The following TSHZ2 variants were observed in gnomAD, a reference collection of about 807,000 sequenced individuals.
TSHZ2 encodes teashirt zinc finger homeobox 2, also known as teashirt homolog 2.
A neutral mutation model predicts 74.4 loss-of-function variants in TSHZ2; 21 were observed. The ratio of observed to expected loss-of-function variants is 0.28; its 90% CI spans 0.20 to 0.41. The LOEUF (loss-of-function observed/expected upper bound fraction) is 0.41. Among genes scored for constraint, TSHZ2 ranks in the 10% least tolerant of loss-of-function variants. The probability of loss-of-function intolerance (pLI) is 1.00; values close to 1 mark genes in which losing one functional copy is unlikely to be tolerated. For missense variants in TSHZ2, 1,244 were observed against 1,293.5 expected, an observed-to-expected ratio of 0.96 and a Z score of 0.59; for synonymous variants, 540 against 515.3, an observed-to-expected ratio of 1.05 and a Z score of -0.65.
intron 1 of TSHZ2, among the ~76,000 whole-genome samples, chr20:53,071,102 G>A (rs146294002): frequency 3.3e-5 from 5 of 152,162 alleles, no homozygotes; most frequent in South Asian, 2.1e-4. Flanking sequence ...ATGACTCCTC[G>A]AGTGAGAATT....
At chr20:53,243,475 T>C (rs1212278532) in intron 1 of TSHZ2, among the ~76,000 whole-genome samples, 1 of 152,154 alleles carries the variant, frequency 6.6e-6, no homozygotes, top group South Asian at 2.1e-4. Flanking sequence ...AATTGTACCA[T>C]GATGGAAACA....
chr20:53,232,743 AATT>A (rs1775648921), intron 1 of TSHZ2, among the ~76,000 whole-genome samples: 1 of 152,116 alleles, frequency 6.6e-6, no homozygotes, highest in Non-Finnish European at 1.5e-5. Flanking sequence ...AAAAAAAGAA[AATT>A]ATTATTGTTC....
intron 1 of TSHZ2, among the ~76,000 whole-genome samples, chr20:53,225,133 A>G (rs974806267): frequency 1.3e-5 from 2 of 152,232 alleles, no homozygotes; most frequent in Non-Finnish European, 2.9e-5. Flanking sequence ...GAAAACAGGC[A>G]GTGGGTCAGA....
At chr20:53,095,026 C>T (rs1262981111) in intron 1 of TSHZ2, among the ~76,000 whole-genome samples, 1 of 152,204 alleles carries the variant, frequency 6.6e-6, no homozygotes, top group Non-Finnish European at 1.5e-5. Flanking sequence ...AGGTAAGCCT[C>T]TTCCAATTAC....
intron 2 of TSHZ2, among the ~76,000 whole-genome samples, chr20:53,353,189 A>G (rs1980719962): frequency 6.6e-6 from 1 of 152,198 alleles, no homozygotes; most frequent in African/African-American, 2.4e-5. Flanking sequence ...AGGTTGGTAA[A>G]TCAGGTTGGA....
intron 2 of TSHZ2, among the ~76,000 whole-genome samples, chr20:53,415,344 A>G (rs1337582138): frequency 6.6e-6 from 1 of 152,198 alleles, no homozygotes; most frequent in African/African-American, 2.4e-5. Context: ...TAAAATGATC[A>G]GTACAGATGA....
intron 1 of TSHZ2, among the ~76,000 whole-genome samples, chr20:53,035,688 C>T (rs984244816): frequency 1.3e-5 from 2 of 152,128 alleles, no homozygotes; most frequent in South Asian, 2.1e-4. Flanking sequence ...GATAACAGTC[C>T]CTACTCTCAG....
At chr20:53,262,040 G>T (rs1310345160) in intron 2 of TSHZ2, among the ~76,000 whole-genome samples, 1 of 152,150 alleles carries the variant, frequency 6.6e-6, no homozygotes, top group Non-Finnish European at 1.5e-5. Flanking sequence ...TTCCTGCAGA[G>T]AAGTCTTTCT....
intron 2 of TSHZ2, among the ~76,000 whole-genome samples, chr20:53,338,517 A>G (rs1197445151): frequency 1.3e-5 from 2 of 152,218 alleles, no homozygotes; most frequent in East Asian, 3.8e-4. Flanking sequence ...CTAACTTGAA[A>G]TCGACAAGGT....
rs577498533 is a variant in TSHZ2, at chr20:53,148,145, T to C, written c.41-105354T>C. ...AAATTCCTACAGCTAATATTTTCTATATCGTACTATTTAGTGTTTAATTAT... is the reference window on the plus strand; with the variant it reads ...AAATTCCTACAGCTAATATTTTCTACATCGTACTATTTAGTGTTTAATTAT... On this transcript the variant is annotated intron_variant, in intron 1 of 2. Coordinates refer to ENST00000371497, the MANE Select transcript of TSHZ2 (RefSeq NM_173485.6). Among the ~76,000 whole-genome samples the C allele has an allele frequency of 2.0e-5, 3 of 152,360 alleles. No homozygotes were observed. In the South Asian group the frequency reaches 6.2e-4, roughly 32 times the overall value.
intron 1 of TSHZ2, among the ~76,000 whole-genome samples, chr20:53,105,912 G>C (rs544003663): frequency 6.6e-6 from 1 of 152,266 alleles, no homozygotes; most frequent in South Asian, 2.1e-4. Context: ...GCATCCCAAA[G>C]TGCTGGCATT....
intron 2 of TSHZ2, among the ~76,000 whole-genome samples, chr20:53,442,437 C>T (rs559459931): frequency 6.6e-6 from 1 of 152,162 alleles, no homozygotes; most frequent in Middle Eastern, 3.4e-3. Context: ...CATAGGTGAT[C>T]GACTGCTGAG....
At chr20:53,420,814 T>C (rs1183855204) in intron 2 of TSHZ2, among the ~76,000 whole-genome samples, 1 of 152,158 alleles carries the variant, frequency 6.6e-6, no homozygotes, top group African/African-American at 2.4e-5. Context: ...TGTTAATGCC[T>C]CATGCTGTAC....
intron 2 of TSHZ2, among the ~76,000 whole-genome samples, chr20:53,326,896 C>T (rs889063104): frequency 1.3e-5 from 2 of 152,174 alleles, no homozygotes; most frequent in Non-Finnish European, 2.9e-5. Context: ...TTATGATGAT[C>T]GGATTCTCCG....
intron 1 of TSHZ2, among the ~76,000 whole-genome samples, chr20:53,089,325 T>TC (rs940349324): frequency 1.7e-5 from 2 of 119,310 alleles, no homozygotes; most frequent in South Asian, 3.5e-4. Flanking sequence ...ATTTTCTTTT[T>TC]TTTTTTTTTT....
intron 2 of TSHZ2, among the ~76,000 whole-genome samples, chr20:53,291,767 T>C (rs1991282472): frequency 6.6e-6 from 1 of 152,038 alleles, no homozygotes; most frequent in Non-Finnish European, 1.5e-5. Context: ...TTCACCCAGG[T>C]CATGATAAAA....
chr20:53,082,060 C>T (rs1479721169), intron 1 of TSHZ2, among the ~76,000 whole-genome samples: 1 of 152,058 alleles, frequency 6.6e-6, no homozygotes, highest in Non-Finnish European at 1.5e-5. Context: ...TGTGTAATTT[C>T]GTCACTCCCT....
intron 2 of TSHZ2, among the ~76,000 whole-genome samples, chr20:53,400,900 C>T (rs376667904): frequency 1.3e-5 from 2 of 152,180 alleles, no homozygotes; most frequent in African/African-American, 4.8e-5. Context: ...GAATTCAGAT[C>T]CCACCTATGT....
At chr20:53,001,222 G>GTGTA (rs1555813599) in intron 1 of TSHZ2, among the ~76,000 whole-genome samples, 6 of 147,268 alleles carry the variant, frequency 4.1e-5, no homozygotes, top group South Asian at 2.2e-4. Flanking sequence ...GTGTGTGTGT[G>GTGTA]TGTGTGTGTG....
Sources: gnomAD v4.1 joint callset for allele counts (sites outside exome capture counted in the v4.1 genomes callset) on GRCh38, gnomAD v4.1.1 for gene constraint, MANE v1.5 for transcripts, NCBI Gene and HGNC (gene_info 2026-07-23, HGNC 2026-07-21) for gene names.